NUP93: variants seen among roughly 807,000 people sequenced by gnomAD.
The protein encoded by NUP93 is nuclear pore complex protein Nup93.
In NUP93, 55 loss-of-function variants were observed where a neutral mutation model predicts 107.8. That is an observed-to-expected ratio of 0.51 (90% CI 0.41 to 0.64). The LOEUF (loss-of-function observed/expected upper bound fraction) is 0.64, where lower values mean the gene tolerates loss of function less well. Ranked by LOEUF, NUP93 falls within the 30% of genes least tolerant of loss-of-function variation. The pLI is 0.00. For missense variants in NUP93, 937 were observed against 1,044.7 expected (o/e 0.90, Z 1.42); for synonymous variants, 390 against 397.5 (o/e 0.98, Z 0.22).
chr16:56,827,044 CAAAAAAAAAAAA>C (rs1188027635), intron 8 of NUP93, among the ~76,000 whole-genome samples: 1 of 53,588 alleles, frequency 1.9e-5, no homozygotes, highest in Non-Finnish European at 3.6e-5. Context: ...GACTCCGTCT[CAAAAAAAAAAAA>C]AAAAAAAAAA....
chr16:56,747,238 G>T (rs1283331207), intron 1 of NUP93, among the ~76,000 whole-genome samples: 1 of 152,172 alleles, frequency 6.6e-6, no homozygotes, highest in African/African-American at 2.4e-5. Context: ...GACCTCAGGC[G>T]ATCTGCCCGC....
chr16:56,779,919 A>G (rs1962482811), intron 3 of NUP93, among the ~76,000 whole-genome samples: 1 of 152,126 alleles, frequency 6.6e-6, no homozygotes, highest in South Asian at 2.1e-4. Context: ...GACTTTAACC[A>G]CACTTGGGTC....
intron 2 of NUP93, among the ~76,000 whole-genome samples, chr16:56,752,157 C>G (rs1230318611): frequency 2.0e-5 from 3 of 152,152 alleles, no homozygotes; most frequent in African/African-American, 7.2e-5. Flanking sequence ...TCTTATGTGT[C>G]TCTGGTAGAG....
At chr16:56,731,940 A>G (rs1157480024) in intron 1 of NUP93, among the ~76,000 whole-genome samples, 1 of 152,070 alleles carries the variant, frequency 6.6e-6, no homozygotes, top group African/African-American at 2.4e-5. Context: ...ATTAATAATG[A>G]TAGACAAACC....
intron 3 of NUP93, chr16:56,781,784 G>T (rs1962519575): frequency 1.0e-6 from 1 of 978,880 alleles, no homozygotes; most frequent in East Asian, 1.1e-4. Context: ...TCTTAACTTG[G>T]TACAGTCCGT....
intron 7 of NUP93, 56 bp downstream of exon 7, chr16:56,821,649 A>G (rs545664029): frequency 1.5e-5 from 17 of 1,142,964 alleles, no homozygotes; most frequent in Middle Eastern, 2.6e-4. Flanking sequence ...CGATGGGCCT[A>G]GCAACTTGCC....
chr16:56,828,683 G>T (rs1178356978), intron 8 of NUP93, among the ~76,000 whole-genome samples: 1 of 152,230 alleles, frequency 6.6e-6, no homozygotes, highest in Non-Finnish European at 1.5e-5. Context: ...TAGGCTGTGA[G>T]CTGGAGCAAT....
intron 1 of NUP93, among the ~76,000 whole-genome samples, chr16:56,746,796 G>C (rs1261934861): frequency 6.6e-6 from 1 of 152,212 alleles, no homozygotes; most frequent in African/African-American, 2.4e-5. Context: ...TGTAATCCCA[G>C]CTACTTGGGA....
intron 5 of NUP93, among the ~76,000 whole-genome samples, chr16:56,817,244 G>A (rs755758569): frequency 1.3e-5 from 2 of 152,182 alleles, no homozygotes; most frequent in African/African-American, 2.4e-5. Flanking sequence ...AAGCCAGGGA[G>A]TGAAGTGGCC....
intron 3 of NUP93, among the ~76,000 whole-genome samples, chr16:56,784,549 C>T (rs187663098): frequency 4.6e-5 from 7 of 152,188 alleles, no homozygotes; most frequent in East Asian, 3.9e-4. Context: ...GGATTTGACC[C>T]GGCTTATTTC....
chr16:56,754,325 C>T (rs1447807467), intron 2 of NUP93, among the ~76,000 whole-genome samples: 2 of 152,152 alleles, frequency 1.3e-5, no homozygotes, highest in Admixed American at 1.3e-4. Flanking sequence ...CCACACCTAG[C>T]CCCTCCCAAA....
chr16:56,817,638 T>G (rs2144602102), intron 5 of NUP93, among the ~76,000 whole-genome samples: 1 of 152,248 alleles, frequency 6.6e-6, no homozygotes, highest in Middle Eastern at 3.4e-3. Context: ...AAGATGAATA[T>G]TCTTTCTTTA....
intron 7 of NUP93, among the ~76,000 whole-genome samples, chr16:56,822,960 AGT>A (rs1389099252): frequency 6.6e-6 from 1 of 152,234 alleles, no homozygotes; most frequent in Non-Finnish European, 1.5e-5. Context: ...CTTTGGAACA[AGT>A]ATAAACCTGC....
At chr16:56,743,797 T>G (rs1399845191) in intron 1 of NUP93, among the ~76,000 whole-genome samples, 1 of 152,138 alleles carries the variant, frequency 6.6e-6, no homozygotes, top group African/African-American at 2.4e-5. Context: ...CTAACAGCAG[T>G]GATAAGTTTG....
chr16:56,842,616 G>C (rs576421784), intron 21 of NUP93: 46 of 448,992 alleles, frequency 1.0e-4, no homozygotes, highest in Admixed American at 2.4e-5. Flanking sequence ...GCAATGACAC[G>C]ATCTCAGCTC....
At chr16:56,732,542 C>A (rs778716385) in intron 1 of NUP93, among the ~76,000 whole-genome samples, 1 of 152,190 alleles carries the variant, frequency 6.6e-6, no homozygotes, top group Non-Finnish European at 1.5e-5. Context: ...TATCTGAGAG[C>A]ATTGCTGGTA....
chr16:56,740,068 C>G (rs1367878290), intron 1 of NUP93, among the ~76,000 whole-genome samples: 2 of 88,988 alleles, frequency 2.2e-5, no homozygotes, highest in African/African-American at 5.0e-5. Context: ...GCTGGCCGGG[C>G]GGAGGGCTCA....
intron 6 of NUP93, among the ~76,000 whole-genome samples, chr16:56,820,642 C>G (rs1963524364): frequency 1.3e-5 from 2 of 152,156 alleles, no homozygotes; most frequent in South Asian, 4.1e-4. Flanking sequence ...CATAACAGCC[C>G]TGGAAGATGA....
At chr16:56,781,099 A>G (rs1303444603) in intron 3 of NUP93, among the ~76,000 whole-genome samples, 2 of 152,210 alleles carry the variant, frequency 1.3e-5, no homozygotes, top group Admixed American at 1.3e-4. Context: ...GAGCACTTTT[A>G]AAAATCATTG....
Sources: gnomAD v4.1 joint callset for allele counts (sites outside exome capture counted in the v4.1 genomes callset) on GRCh38, gnomAD v4.1.1 for gene constraint, MANE v1.5 for transcripts, NCBI Gene and HGNC (gene_info 2026-07-23, HGNC 2026-07-21) for gene names.